The following DYM variants were observed in gnomAD, a reference collection of about 807,000 sequenced individuals.
DYM encodes the protein dymeclin, also known as dyggve-Melchior-Clausen syndrome protein.
In DYM, 78 loss-of-function variants were observed where a neutral mutation model predicts 93.1. The ratio of observed to expected loss-of-function variants is 0.84; its 90% CI spans 0.70 to 1.01. The LOEUF (loss-of-function observed/expected upper bound fraction) is 1.01. DYM is among the 50% of genes least tolerant of loss of function. The pLI is 0.00. For missense variants in DYM, 789 were observed against 845.0 expected, an observed-to-expected ratio of 0.93 and a Z score of 0.82; for synonymous variants, 321 against 319.7, an observed-to-expected ratio of 1.00 and a Z score of -0.04.
At chr18:49,107,036 G>T (rs2080888448) in intron 16 of DYM, among the ~76,000 whole-genome samples, 1 of 152,152 alleles carries the variant, frequency 6.6e-6, no homozygotes, top group African/African-American at 2.4e-5. Context: ...GTCACTTTCA[G>T]GTACACCAAT....
At chr18:49,445,938 C>T (rs1267335801) in intron 1 of DYM, among the ~76,000 whole-genome samples, 1 of 152,064 alleles carries the variant, frequency 6.6e-6, no homozygotes. Context: ...AAAAGCTAAA[C>T]ACTATATTAA....
chr18:49,368,785 T>G (rs562423024), intron 5 of DYM: 5 of 152,340 alleles, frequency 3.3e-5, no homozygotes, highest in Admixed American at 6.5e-5. Context: ...TTGAAGGTGA[T>G]TCCAAAGAAA....
chr18:49,157,452 A>G (rs2086594564), intron 15 of DYM, among the ~76,000 whole-genome samples: 1 of 151,760 alleles, frequency 6.6e-6, no homozygotes, highest in Non-Finnish European at 1.5e-5. Flanking sequence ...CCTCAAAAGA[A>G]CCCCAGGTGT....
At chr18:49,324,677 T>G (rs1382245181) in intron 8 of DYM, among the ~76,000 whole-genome samples, 2 of 152,208 alleles carry the variant, frequency 1.3e-5, no homozygotes, top group Non-Finnish European at 2.9e-5. Flanking sequence ...AATTTTTAAA[T>G]TGTCTTATAT....
At chr18:49,063,164 C>G (rs887491040) in intron 17 of DYM, among the ~76,000 whole-genome samples, 5 of 152,174 alleles carry the variant, frequency 3.3e-5, no homozygotes, top group Non-Finnish European at 7.3e-5. Flanking sequence ...ACAACTGCTA[C>G]AGAACCCTCC....
intron 2 of DYM, chr18:49,418,111 T>C (rs993154493): frequency 1.4e-5 from 2 of 144,822 alleles, no homozygotes; most frequent in South Asian, 2.3e-4. Flanking sequence ...AGAGACATCA[T>C]ATATCCAGCT....
intron 13 of DYM, among the ~76,000 whole-genome samples, chr18:49,240,578 T>C (rs2093986731): frequency 6.6e-6 from 1 of 152,228 alleles, no homozygotes; most frequent in Non-Finnish European, 1.5e-5. Flanking sequence ...GTCTAAATTA[T>C]TAGGAAGTTG....
At chr18:49,459,705 T>A (rs2083309794) in intron 1 of DYM, among the ~76,000 whole-genome samples, 1 of 152,174 alleles carries the variant, frequency 6.6e-6, no homozygotes, top group Non-Finnish European at 1.5e-5. Context: ...ATCACTTCTC[T>A]ACCCCTGTTC....
At chr18:49,433,780 A>G (rs2080554276) in intron 1 of DYM, among the ~76,000 whole-genome samples, 1 of 152,156 alleles carries the variant, frequency 6.6e-6, no homozygotes, top group African/African-American at 2.4e-5. Flanking sequence ...AGGCACGAGA[A>G]TCACCTGAAC....
intron 5 of DYM, among the ~76,000 whole-genome samples, chr18:49,364,453 A>G (rs76968486): frequency 0.093 from 14,108 of 151,936 alleles, 880 homozygotes; most frequent in East Asian, 0.31. Flanking sequence ...TCAAAAAAAA[A>G]AAAGAAAGAA....
intron 15 of DYM, among the ~76,000 whole-genome samples, chr18:49,137,572 A>C (rs116270075): frequency 1.3e-5 from 2 of 152,274 alleles, no homozygotes; most frequent in African/African-American, 4.8e-5. Flanking sequence ...GCCATCCCCT[A>C]ATTTAGTAGG....
At position 49,317,604 on chromosome 18, in the gene DYM, C is replaced by CT. The variant is rs1197711626; in HGVS notation, c.763+14259_763+14260insA. Among the ~76,000 whole-genome samples the CT allele has an allele frequency of 9.1e-3, 117 of 12,810 alleles. 1 individual carries two copies. The highest frequency in any genetic ancestry group is 0.022 in the African/African-American group (69 of 3,116). 8.4% of individuals were successfully genotyped at this position (12,810 alleles called of 152,430 possible). On this transcript the variant is annotated intron_variant, in intron 8 of 17. Coordinates refer to ENST00000675505, the MANE Select transcript of DYM (RefSeq NM_001353214.3). ...CTCTCTCTCTCTCTCTCTCCCCCCT[C>CT]CCCCCTCCCTCCCTCCCTCCCTCCC...
intron 14 of DYM, among the ~76,000 whole-genome samples, chr18:49,166,102 C>A (rs9676075): frequency 1 from 151,589 of 152,292 alleles, 75,453 homozygotes; most frequent in Middle Eastern, 1. Context: ...TAAGGTTAAC[C>A]GTAAACACCA....
rs1183591689 is a variant in DYM at position 49,041,487 on chromosome 18, T to G, written c.*2568A>C. The G allele has an allele frequency of 1.3e-5, 2 of 152,228 alleles. No homozygotes were observed. The highest frequency in any genetic ancestry group is 4.8e-5 in the African/African-American group (2 of 41,468). 9.4% of individuals were successfully genotyped at this position (152,228 alleles called of 1,614,324 possible). A position where few individuals can be genotyped will look rare whatever the true frequency, so the allele number is the denominator to read the frequency against. ...ATGCAAGTATAATGAAAGTTTATCA[T>G]TCAGATTTATTGCCATATAATAAAT... On this transcript the variant is annotated 3_prime_UTR_variant, in exon 18 of 18. Transcript: ENST00000675505.
chr18:49,453,391 C>T (rs1169284779), intron 1 of DYM, among the ~76,000 whole-genome samples: 4 of 152,184 alleles, frequency 2.6e-5, no homozygotes, highest in Non-Finnish European at 5.9e-5. Flanking sequence ...TGCAATAAAT[C>T]TTGTTGCTGC....
At chr18:49,164,867 ATTAC>A (rs1359184884) in intron 14 of DYM, among the ~76,000 whole-genome samples, 1 of 152,186 alleles carries the variant, frequency 6.6e-6, no homozygotes, top group Non-Finnish European at 1.5e-5. Flanking sequence ...TAGAGTGCAA[ATTAC>A]TTTATTCTAA....
At chr18:49,136,335 A>G (rs750254642) in intron 15 of DYM, among the ~76,000 whole-genome samples, 1 of 152,226 alleles carries the variant, frequency 6.6e-6, no homozygotes, top group Non-Finnish European at 1.5e-5. Flanking sequence ...AAAAGCATAC[A>G]TATATGTTAT....
chr18:49,122,979 C>T (rs1038029073), intron 15 of DYM, among the ~76,000 whole-genome samples: 10 of 152,104 alleles, frequency 6.6e-5, no homozygotes, highest in Non-Finnish European at 1.3e-4. Flanking sequence ...ATTTTAATGA[C>T]TATATTTTTC....
intron 15 of DYM, among the ~76,000 whole-genome samples, chr18:49,156,021 G>C (rs1324194341): frequency 6.6e-6 from 1 of 152,140 alleles, no homozygotes; most frequent in East Asian, 1.9e-4. Flanking sequence ...CAGTACATGA[G>C]GATTCTAATT....
Sources: gnomAD v4.1 joint callset for allele counts (sites outside exome capture counted in the v4.1 genomes callset) on GRCh38, gnomAD v4.1.1 for gene constraint, MANE v1.5 for transcripts, NCBI Gene and HGNC (gene_info 2026-07-23, HGNC 2026-07-21) for gene names.